The following SYNDIG1 variants were observed in gnomAD, a reference collection of about 807,000 sequenced individuals.
The protein encoded by SYNDIG1 is synapse differentiation inducing 1.
A neutral mutation model predicts 19.4 loss-of-function variants in SYNDIG1; 9 were observed. The observed-to-expected ratio is 0.46, with a 90% CI of 0.28 to 0.81. The LOEUF is 0.81. SYNDIG1 is among the 30% of genes least tolerant of loss of function. The pLI is 0.12. For missense variants in SYNDIG1, 311 were observed against 343.3 expected, an observed-to-expected ratio of 0.91 and a Z score of 0.74; for synonymous variants, 141 against 145.9, an observed-to-expected ratio of 0.97 and a Z score of 0.24.
chr20:24,491,273 T>A lies in SYNDIG1; in HGVS notation c.-79+21520T>A, dbSNP rs1047833580. ...TCGTGGAATACTTAATAAAACAAAG[T>A]AAGGGTTGCCCCTGGAGAACAGAGG... On this transcript the variant is annotated intron_variant, in intron 1 of 3. Transcript: ENST00000376862. Among the ~76,000 whole-genome samples, 57 of 152,222 alleles carry A rather than the reference T, an allele frequency of 3.7e-4. 2 individuals are homozygous for A. The highest frequency in any genetic ancestry group is 1.4e-3 in the African/African-American group (57 of 41,562).
chr20:24,617,805 G>A (rs995059728), intron 3 of SYNDIG1, among the ~76,000 whole-genome samples: 1 of 141,276 alleles, frequency 7.1e-6, no homozygotes, highest in Non-Finnish European at 1.6e-5. Context: ...GGGGTCCTGG[G>A]GGAGGGTCTG....
chr20:24,626,969 G>C (rs1238081842), intron 3 of SYNDIG1, among the ~76,000 whole-genome samples: 2 of 151,414 alleles, frequency 1.3e-5, no homozygotes, highest in South Asian at 4.1e-4. Context: ...GCAGGCACTC[G>C]GCAGGCTGAG....
chr20:24,602,674 C>A (rs761083732), intron 3 of SYNDIG1, among the ~76,000 whole-genome samples: 1 of 152,192 alleles, frequency 6.6e-6, no homozygotes, highest in Non-Finnish European at 1.5e-5. Context: ...TGGCCTTGGC[C>A]TGATAATCCC....
intron 2 of SYNDIG1, among the ~76,000 whole-genome samples, chr20:24,582,691 C>G (rs1272748201): frequency 6.6e-6 from 1 of 152,118 alleles, no homozygotes; most frequent in Non-Finnish European, 1.5e-5. Context: ...TTTTTTCCCC[C>G]TTAGCCATAA....
intron 1 of SYNDIG1, among the ~76,000 whole-genome samples, chr20:24,494,235 G>C (rs796966744): frequency 6.6e-6 from 1 of 152,234 alleles, no homozygotes; most frequent in Non-Finnish European, 1.5e-5. Context: ...GGGACTTGTG[G>C]TGTAAGGGAA....
rs2057506910 is a variant in SYNDIG1, at chr20:24,543,365, A to G, written c.268A>G (p.Asn90Asp). 1 of 1,613,596 alleles carries G rather than the reference A, an allele frequency of 6.2e-7. No homozygotes were observed. The highest frequency in any genetic ancestry group is 8.5e-7 in the Non-Finnish European group (1 of 1,180,010). Residue 90 changes from asparagine (N) to aspartate (D), a missense_variant, in exon 2 of 4, where the codon AAC becomes GAC. Transcript: ENST00000376862. The part of the protein sequence containing the change: ...QQSVESRYRP[N>D]IILYSEGVLR... ...GTCAGTGGAGTCCCGCTACCGGCCCAACATCATCCTCTATTCAGAGGGCGT... is the reference window on the plus strand; with the variant it reads ...GTCAGTGGAGTCCCGCTACCGGCCCGACATCATCCTCTATTCAGAGGGCGT...
intron 3 of SYNDIG1, among the ~76,000 whole-genome samples, chr20:24,591,017 C>G (rs1023219313): frequency 5.3e-5 from 8 of 152,118 alleles, no homozygotes; most frequent in African/African-American, 1.7e-4. Context: ...GGGACATTCT[C>G]TTTCCTGACC....
chr20:24,516,500 G>T (rs937115864), intron 1 of SYNDIG1, among the ~76,000 whole-genome samples: 1 of 152,190 alleles, frequency 6.6e-6, no homozygotes, highest in Admixed American at 6.5e-5. Flanking sequence ...ATCAACAAGT[G>T]GGTGAAGGAT....
chr20:24,646,681 G>T (rs997834142), intron 3 of SYNDIG1, among the ~76,000 whole-genome samples: 3 of 150,792 alleles, frequency 2.0e-5, no homozygotes, highest in Non-Finnish European at 4.5e-5. Flanking sequence ...GAGTACAGTG[G>T]CGTGATGTCG....
intron 1 of SYNDIG1, among the ~76,000 whole-genome samples, chr20:24,492,824 C>T (rs1032728133): frequency 2.0e-5 from 3 of 152,232 alleles, no homozygotes; most frequent in Non-Finnish European, 4.4e-5. Context: ...CCAACTCTGC[C>T]CTTCAACCTG....
chr20:24,600,144 A>G (rs567631135), intron 3 of SYNDIG1, among the ~76,000 whole-genome samples: 114 of 152,362 alleles, frequency 7.5e-4, no homozygotes, highest in Non-Finnish European at 1.3e-3. Flanking sequence ...CGAGCTTTCC[A>G]CATATGTGAT....
At position 24,658,675 on chromosome 20, in the gene SYNDIG1, G is replaced by T. The variant is rs2147392050; in HGVS notation, c.619-6671G>T. On this transcript the variant is annotated intron_variant, in intron 3 of 3. Coordinates refer to ENST00000376862, the MANE Select transcript of SYNDIG1 (RefSeq NM_024893.3). The surrounding 1 kb of genome is among the most constrained non-coding windows in gnomAD (Gnocchi z 4.4). ...GATTCCCACGAGGCATGTGGGTGTGGAGCCTGTTTCCCAGGGGCCTGGGAA... is the reference window on the plus strand; with the variant it reads ...GATTCCCACGAGGCATGTGGGTGTGTAGCCTGTTTCCCAGGGGCCTGGGAA... 6.6e-6 allele frequency among the ~76,000 whole-genome samples: 1 copy of T among 151,534 alleles called. No homozygotes were observed. The highest frequency in any genetic ancestry group is 2.1e-4 in the South Asian group (1 of 4,772).
chr20:24,605,112 C>T (rs1349749454), intron 3 of SYNDIG1, among the ~76,000 whole-genome samples: 1 of 152,030 alleles, frequency 6.6e-6, no homozygotes, highest in Admixed American at 6.5e-5. Context: ...GGAGAAAGTC[C>T]TGGCAAAGGG....
chr20:24,613,038 C>T (rs549708336), intron 3 of SYNDIG1, among the ~76,000 whole-genome samples: 4 of 152,254 alleles, frequency 2.6e-5, no homozygotes, highest in South Asian at 2.1e-4. Context: ...GAGATGGCAC[C>T]GTGGGATGGG....
chr20:24,632,851 C>T (rs1323897984), intron 3 of SYNDIG1, among the ~76,000 whole-genome samples: 1 of 152,134 alleles, frequency 6.6e-6, no homozygotes, highest in Non-Finnish European at 1.5e-5. Flanking sequence ...AGCTGTTTTC[C>T]TCCCTTCTGG....
intron 1 of SYNDIG1, among the ~76,000 whole-genome samples, chr20:24,478,885 T>G (rs1191769485): frequency 1.3e-5 from 2 of 152,144 alleles, no homozygotes; most frequent in East Asian, 3.9e-4. Flanking sequence ...CCAAGACATT[T>G]AGAGAGAATA....
chr20:24,489,309 C>T (rs772019972), intron 1 of SYNDIG1, among the ~76,000 whole-genome samples: 8 of 145,726 alleles, frequency 5.5e-5, no homozygotes, highest in South Asian at 2.2e-4. Flanking sequence ...TGCAGGCACA[C>T]GCAGACACAT....
rs1318508619 is a variant in SYNDIG1 at position 24,557,886 on chromosome 20, G to T, written c.480+14309G>T. Among the ~76,000 whole-genome samples, 7 of 152,304 alleles carry T rather than the reference G, an allele frequency of 4.6e-5. No homozygotes were observed. The East Asian group carries it at 1.2e-3, about 25-fold the overall frequency. ...CCCGTCTTCTGCGTCGCTCATGCTA[G>T]GAGCTGTAGACCGGAGCTGTTCCTA... On this transcript the variant is annotated intron_variant, in intron 2 of 3. Transcript: ENST00000376862.
At chr20:24,576,845 T>C (rs1379998522) in intron 2 of SYNDIG1, among the ~76,000 whole-genome samples, 1 of 152,158 alleles carries the variant, frequency 6.6e-6, no homozygotes, top group Non-Finnish European at 1.5e-5. Flanking sequence ...TCCTCACTTC[T>C]GTTGAGAAAG....
Sources: allele counts gnomAD v4.1 joint callset (sites outside exome capture counted in the v4.1 genomes callset), GRCh38; gene constraint gnomAD v4.1.1; non-coding constraint Gnocchi (gnomAD v3.1); transcripts MANE v1.5; gene names NCBI Gene and HGNC (gene_info 2026-07-23, HGNC 2026-07-21).